The following RGS12 variants were observed in gnomAD, a reference collection of about 807,000 sequenced individuals.
RGS12 encodes regulator of G protein signaling 12.
A neutral mutation model predicts 120.1 loss-of-function variants in RGS12; 66 were observed. The observed-to-expected ratio is 0.55, with a 90% CI of 0.45 to 0.67. The LOEUF (loss-of-function observed/expected upper bound fraction) is 0.67. Ranked by LOEUF, RGS12 falls within the 30% of genes least tolerant of loss-of-function variation. The probability of loss-of-function intolerance (pLI) is 0.00; values close to 1 mark genes in which losing one functional copy is unlikely to be tolerated. For missense variants in RGS12, 1,859 were observed against 1,957.7 expected, an observed-to-expected ratio of 0.95 and a Z score of 0.95; for synonymous variants, 827 against 804.7, an observed-to-expected ratio of 1.03 and a Z score of -0.47.
intron 2 of RGS12, among the ~76,000 whole-genome samples, chr4:3,328,396 T>TA (rs1725702911): frequency 6.6e-6 from 1 of 152,170 alleles, no homozygotes; most frequent in Admixed American, 6.5e-5. Context: ...TTTAAACAAA[T>TA]ACATTTTCAT....
chr4:3,425,564 A>C lies in RGS12; in HGVS notation c.3331+4A>C. ...AAGGATCCTTCCAGAGGAAAGGGTG[A>C]GTAGGGCTGGTGCAGCGGATGGGGA... is the stretch of plus-strand genomic sequence containing the variant. On this transcript the variant is annotated splice_donor_region_variant and intron_variant, in intron 14 of 17. Coordinates refer to ENST00000336727, the MANE Select transcript of RGS12 (RefSeq NM_001394154.1). 6.4e-7 allele frequency: 1 copy of C among 1,552,388 alleles called. No homozygotes were observed. Among genetic ancestry groups the C allele is most frequent in the Non-Finnish European group, 8.7e-7 (1 of 1,144,928 alleles).
intron 2 of RGS12, among the ~76,000 whole-genome samples, chr4:3,340,337 C>T (rs534095500): frequency 5.9e-5 from 9 of 152,216 alleles, no homozygotes; most frequent in African/African-American, 1.7e-4. Flanking sequence ...TGGCTGACAG[C>T]GGTGTCACTG....
chr4:3,370,491 G>A (rs1435863047), intron 3 of RGS12, among the ~76,000 whole-genome samples: 1 of 152,240 alleles, frequency 6.6e-6, no homozygotes, highest in East Asian at 1.9e-4. Context: ...AGTGCTGCGG[G>A]GGCTCAGCCC....
At chr4:3,288,529 C>T (rs543993005), upstream of RGS12, among the ~76,000 whole-genome samples, 28 of 152,266 alleles carry the variant, frequency 1.8e-4, no homozygotes, top group South Asian at 5.4e-3. The surrounding 1 kb of genome is among the most constrained non-coding windows in gnomAD (Gnocchi z 5.2). Context: ...CAAGCTCTGA[C>T]GAACCCCAAC....
At chr4:3,371,277 C>G (rs984950855) in intron 3 of RGS12, among the ~76,000 whole-genome samples, 3 of 152,278 alleles carry the variant, frequency 2.0e-5, no homozygotes, top group Admixed American at 2.0e-4. Context: ...GCGTGCCTGC[C>G]GCGGGCCGCC....
intron 9 of RGS12, chr4:3,417,906 G>A (rs1722581917): frequency 5.0e-6 from 1 of 200,712 alleles, no homozygotes; most frequent in Non-Finnish European, 1.0e-5. Context: ...ATACAATCAA[G>A]TAAAAATAGG....
At chr4:3,405,012 A>G (rs1008635336) in intron 4 of RGS12, among the ~76,000 whole-genome samples, 1 of 152,246 alleles carries the variant, frequency 6.6e-6, no homozygotes, top group African/African-American at 2.4e-5. Flanking sequence ...TCCAAAAAAG[A>G]AAGGTGTTCA....
chr4:3,362,841 CTGAGTGTGAGGG>C (rs1715824125), intron 3 of RGS12, among the ~76,000 whole-genome samples: 1 of 120,574 alleles, frequency 8.3e-6, no homozygotes, highest in Non-Finnish European at 1.7e-5. Context: ...GAGTGTGAGA[CTGAGTGTGAGGG>C]TGTGTGTGTG....
chr4:3,414,572 G>C, intron 5 of RGS12, 180 bp from the exon 6 acceptor site: 1 of 610,948 alleles, frequency 1.6e-6, no homozygotes, highest in Admixed American at 3.0e-5. Context: ...TGCTTTTGGG[G>C]AAACAGCTGG....
chr4:3,370,183 C>T, intron 3 of RGS12: 3 of 1,583,316 alleles, frequency 1.9e-6, no homozygotes, highest in Non-Finnish European at 2.6e-6. Flanking sequence ...TCGGAAATGC[C>T]TTTAAACTTT....
At chr4:3,318,262 G>A (rs1724943542) in intron 2 of RGS12, among the ~76,000 whole-genome samples, 1 of 152,184 alleles carries the variant, frequency 6.6e-6, no homozygotes, top group African/African-American at 2.4e-5. Context: ...TCGAGTCCTT[G>A]GTTCTGGTTC....
chr4:3,382,153 T>G (rs1718326769), intron 3 of RGS12, among the ~76,000 whole-genome samples: 3 of 152,270 alleles, frequency 2.0e-5, no homozygotes, highest in Admixed American at 1.3e-4. Context: ...ATCTTACATT[T>G]TAAAGAAAAT....
At chr4:3,415,024 G>C (rs1577072935) in intron 6 of RGS12, among the ~76,000 whole-genome samples, 180 bp downstream of exon 6, 1 of 133,578 alleles carries the variant, frequency 7.5e-6, no homozygotes, top group African/African-American at 2.6e-5. Flanking sequence ...TGTGAGAGGG[G>C]CGTGTGAGAG....
chr4:3,414,422 C>T (rs1722109000), intron 5 of RGS12, 181 bp downstream of exon 5: 4 of 705,624 alleles, frequency 5.7e-6, no homozygotes, highest in Non-Finnish European at 6.9e-6. Flanking sequence ...TGGGTTGAAT[C>T]CTGCCCCTGG....
intron 4 of RGS12, among the ~76,000 whole-genome samples, chr4:3,395,826 TG>T (rs1396163812): frequency 6.6e-5 from 10 of 152,218 alleles, no homozygotes; most frequent in African/African-American, 2.2e-4. Flanking sequence ...AATGATTTTA[TG>T]GTGGATTTAC....
chr4:3,393,271 A>G (rs1300951203), intron 4 of RGS12, among the ~76,000 whole-genome samples: 1 of 152,128 alleles, frequency 6.6e-6, no homozygotes, highest in East Asian at 1.9e-4. Context: ...GAACCCCCTG[A>G]CCCTGTGTGA....
chr4:3,351,443 C>T (rs1714347419), intron 3 of RGS12, among the ~76,000 whole-genome samples: 1 of 151,990 alleles, frequency 6.6e-6, no homozygotes, highest in African/African-American at 2.4e-5. Context: ...GCTTTTTCAT[C>T]ACCCTAAGCA....
At chr4:3,353,467 C>T (rs138918136) in intron 3 of RGS12, among the ~76,000 whole-genome samples, 639 of 152,238 alleles carry the variant, frequency 4.2e-3, no homozygotes, top group Non-Finnish European at 7.6e-3. Flanking sequence ...TTTGTAGGAC[C>T]GGACTGGTAT....
upstream of RGS12, among the ~76,000 whole-genome samples, chr4:3,290,615 A>G (rs903374674): frequency 2.9e-4 from 44 of 152,246 alleles, no homozygotes; most frequent in Non-Finnish European, 8.8e-5. Flanking sequence ...TCAACTCAGG[A>G]GTGCCTCCTT....
Sources: allele counts gnomAD v4.1 joint callset (sites outside exome capture counted in the v4.1 genomes callset), GRCh38; gene constraint gnomAD v4.1.1; non-coding constraint Gnocchi (gnomAD v3.1); transcripts MANE v1.5; gene names NCBI Gene and HGNC (gene_info 2026-07-23, HGNC 2026-07-21).